Variants in MDGA1 observed in about 807,000 individuals in gnomAD.
The protein encoded by MDGA1 is MAM domain containing glycosylphosphatidylinositol anchor 1.
MDGA1 carries 54 observed loss-of-function variants against 101.5 expected under a neutral mutation model. That is an observed-to-expected ratio of 0.53 (90% confidence interval 0.43 to 0.67). The LOEUF is 0.67. Among genes scored for constraint, MDGA1 ranks in the 30% least tolerant of loss-of-function variants. The pLI, the probability that MDGA1 is intolerant of heterozygous loss-of-function variation, is 0.00. For synonymous variants in MDGA1, 533 were observed against 558.3 expected (o/e 0.95, Z 0.64); for missense variants, 1,083 against 1,323.8 (o/e 0.82, Z 2.82).
In MDGA1 at chr6:37,638,072, G is replaced by T. The variant is rs1459507017; in HGVS notation, c.2776+133C>A. The T allele has an allele frequency of 1.4e-6, 1 of 733,888 alleles. No homozygotes were observed. 45.5% of individuals were successfully genotyped at this position (733,888 alleles called of 1,614,324 possible). A position where few individuals can be genotyped will look rare whatever the true frequency, so the allele number is the denominator to read the frequency against. On this transcript the variant is annotated intron_variant, in intron 16 of 16. Coordinates refer to ENST00000434837, the MANE Select transcript of MDGA1 (RefSeq NM_153487.4). The surrounding 1 kb of genome is among the most constrained non-coding windows in gnomAD (Gnocchi z 4.8). ...TGGGGCACACCTTCACACAGTCAGA[G>T]CCACATGATTCCCATCACTCAGACA...
chr6:37,651,949 C>T, intron 7 of MDGA1, 62 bp downstream of exon 7: 1 of 1,380,140 alleles, frequency 7.2e-7, no homozygotes, highest in East Asian at 2.5e-5. Flanking sequence ...CTCCCCACTA[C>T]CTCCTGTCTG....
chr6:37,650,322 G>T lies in MDGA1; in HGVS notation c.1396C>A (p.Arg466=), dbSNP rs777345498. ...AGCACTGGCGGCCGCGGCTTGCCCC[G>T]CACCTCGCATTGCAGCTCGGCAGGC... ...GSPAELQCEV[R]GKPRPPVLWS... The change falls in exon 8 of 17, where the codon CGG becomes AGG. Residue 466 remains arginine, a synonymous_variant. Transcript: ENST00000434837. 1 of 1,587,500 alleles carries T rather than the reference G, an allele frequency of 6.3e-7. No homozygotes were observed.
Position 37,650,362 on chromosome 6 carries a change from G to T in MDGA1, c.1356C>A (p.Thr452=). 1 of 1,573,076 alleles carries T rather than the reference G, an allele frequency of 6.4e-7. No homozygotes were observed. Residue 452 remains threonine (T), a synonymous_variant, in exon 8 of 17, where the codon ACC becomes ACA. Transcript: ENST00000434837. ...GCTCGGCAGGCGATCCCTCGCGCAC[G>T]GTCACCACGGCCCTACCCTTGGGCA... ...ISVPKGRAVV[T]VREGSPAELQ...
At chr6:37,642,599 G>A (rs1271901290) in intron 14 of MDGA1, among the ~76,000 whole-genome samples, 1 of 152,036 alleles carries the variant, frequency 6.6e-6, no homozygotes, top group Non-Finnish European at 1.5e-5. Context: ...TGTACCTTTT[G>A]GCCTTTGTGA....
intron 1 of MDGA1, among the ~76,000 whole-genome samples, chr6:37,665,776 A>C (rs9470656): frequency 0.071 from 10,829 of 152,282 alleles, 681 homozygotes; most frequent in African/African-American, 0.17. Context: ...ACACATAGGC[A>C]AGATTTGTGG....
intron 2 of MDGA1, among the ~76,000 whole-genome samples, chr6:37,658,967 T>TC (rs1236280510): frequency 1.6e-4 from 3 of 19,150 alleles, no homozygotes; most frequent in African/African-American, 6.9e-4. Context: ...CAAGACTGTT[T>TC]CAAAAAAAAA....
At position 37,659,853 on chromosome 6, in the gene MDGA1, C is replaced by T. The variant is rs543972953; in HGVS notation, c.208-1434G>A. On this transcript the variant is annotated intron_variant, in intron 2 of 16. Transcript: ENST00000434837. The stretch of plus-strand genomic sequence containing the variant: ...GCAAGACATACCAGATCAGAGAGTT[C>T]TTTGGAGAGATAACAGGGACATGAA... Among the ~76,000 whole-genome samples the T allele has an allele frequency of 1.1e-3, 165 of 152,144 alleles. 2 individuals are homozygous for T. In the Middle Eastern group the frequency reaches 0.02, roughly 19 times the overall value.
rs1738453 is a variant in MDGA1, at chr6:37,632,844, C to A, written c.*4524G>T. 27,917 of 152,658 alleles carry A rather than the reference C, an allele frequency of 0.18. 3,070 individuals carry two copies. Among genetic ancestry groups the A allele is most frequent in the African/African-American group, 0.29 (12,043 of 41,402 alleles). The allele number at this position is 152,658 out of a possible 1,614,324, so 9.5% of individuals were successfully genotyped here. A position where few individuals can be genotyped will look rare whatever the true frequency, so the allele number is the denominator to read the frequency against. On this transcript the variant is annotated 3_prime_UTR_variant, in exon 17 of 17. Coordinates refer to ENST00000434837, the MANE Select transcript of MDGA1 (RefSeq NM_153487.4). ...CTGGTGCAGCCCCTTCCCTCCCTGA[C>A]CCTTCTCCTGGGCTGGGGATAAAGG...
rs1763929553 is a variant in MDGA1 at position 37,636,374 on chromosome 6, C to T, written c.*994G>A. The T allele has an allele frequency of 6.6e-6, 1 of 152,260 alleles. No homozygotes were observed. The highest frequency in any genetic ancestry group is 2.1e-4 in the South Asian group (1 of 4,836). The allele number at this position is 152,260 out of a possible 1,614,324, so 9.4% of individuals were successfully genotyped here. ...GTACACACCCTCCTATCCAGGGCAC[C>T]CTTTCATGCCAAGTAGATAAGAAAT... On this transcript the variant is annotated 3_prime_UTR_variant, in exon 17 of 17. Transcript: ENST00000434837.
intron 1 of MDGA1, among the ~76,000 whole-genome samples, chr6:37,694,781 T>C (rs533200024): frequency 3.3e-4 from 50 of 152,242 alleles, no homozygotes; most frequent in African/African-American, 1.1e-3. Flanking sequence ...AAAGGAAAAG[T>C]GGCATGTCAC....
Position 37,633,089 on chromosome 6 carries a change from T to G in MDGA1, c.*4279A>C, listed in dbSNP as rs113698747. ...AGATGCCATCCCTCTGGACCTCGCC[T>G]GTACAATGGGGGCACCAGCTTAGAT... On this transcript the variant is annotated 3_prime_UTR_variant, in exon 17 of 17. Coordinates refer to ENST00000434837, the MANE Select transcript of MDGA1 (RefSeq NM_153487.4). 8.0e-3 allele frequency: 1,213 copies of G among 152,250 alleles called. 9 individuals are homozygous for G. Among genetic ancestry groups the G allele is most frequent in the Non-Finnish European group, 0.014 (965 of 68,048 alleles). The allele number at this position is 152,250 out of a possible 1,614,324, so 9.4% of individuals were successfully genotyped here. A position where few individuals can be genotyped will look rare whatever the true frequency, so the allele number is the denominator to read the frequency against.
chr6:37,664,847 ACACACACACACACAC>A (rs1761710307), intron 1 of MDGA1, among the ~76,000 whole-genome samples: 1 of 65,146 alleles, frequency 1.5e-5, no homozygotes, highest in African/African-American at 7.0e-5. Context: ...CCTAAGACAC[ACACACACACACACAC>A]ACACACACAC....
intron 1 of MDGA1, among the ~76,000 whole-genome samples, chr6:37,665,181 G>T (rs574214866): frequency 6.6e-6 from 1 of 152,018 alleles, no homozygotes; most frequent in African/African-American, 2.4e-5. Flanking sequence ...TAGCCCCATC[G>T]TCCTAAAGGC....
chr6:37,684,707 AC>A (rs1305647489), intron 1 of MDGA1, among the ~76,000 whole-genome samples: 2 of 151,936 alleles, frequency 1.3e-5, no homozygotes, highest in Non-Finnish European at 2.9e-5. Context: ...AGCTGAGCTC[AC>A]TCCTTGCCAT....
chr6:37,688,343 C>T (rs915896154), intron 1 of MDGA1, among the ~76,000 whole-genome samples: 1 of 152,178 alleles, frequency 6.6e-6, no homozygotes, highest in Non-Finnish European at 1.5e-5. Context: ...TTCTGACATG[C>T]GCCAGGGCTG....
At position 37,696,882 on chromosome 6, in the gene MDGA1, G is replaced by A. The variant is rs975368367; in HGVS notation, c.-71C>T. The A allele has an allele frequency of 2.5e-6, 3 of 1,218,380 alleles. No individual in the cohort carries two copies. The highest frequency in any genetic ancestry group is 4.0e-5 in the Admixed American group (2 of 50,416). 75.5% of individuals were successfully genotyped at this position (1,218,380 alleles called of 1,614,324 possible). On this transcript the variant is annotated 5_prime_UTR_variant, in exon 1 of 17. Coordinates refer to ENST00000434837, the MANE Select transcript of MDGA1 (RefSeq NM_153487.4). This position sits in a 1 kb window ranked among gnomAD's most constrained non-coding sequence, Gnocchi z 5.6. ...GGCGGCGGGGGGCGCATTCGCCGGG[G>A]CCCCGCGACGCCCCTATGTCCCCCC... is the stretch of plus-strand genomic sequence containing the variant.
intron 3 of MDGA1, among the ~76,000 whole-genome samples, chr6:37,656,389 T>C (rs190814015): frequency 0.022 from 3,369 of 151,668 alleles, 130 homozygotes; most frequent in African/African-American, 0.074. Flanking sequence ...TTTTTTTTTT[T>C]TGAGACAGAG....
chr6:37,668,332 T>G (rs1761800240), intron 1 of MDGA1, among the ~76,000 whole-genome samples: 1 of 152,054 alleles, frequency 6.6e-6, no homozygotes. Flanking sequence ...AGAATCACTT[T>G]GAAGAAATTC....
In MDGA1 at chr6:37,638,320, TG is replaced by T; in HGVS notation, c.2668-8del. 6.3e-7 allele frequency: 1 copy of T among 1,598,244 alleles called. No individual in the cohort carries two copies. The highest frequency in any genetic ancestry group is 1.1e-5 in the South Asian group (1 of 88,798). On this transcript the variant is annotated splice_polypyrimidine_tract_variant and splice_region_variant and intron_variant, in intron 15 of 16. Transcript: ENST00000434837. This position sits in a 1 kb window ranked among gnomAD's most constrained non-coding sequence, Gnocchi z 4.8. ...GAACCCCCTCAAAAATAATCTGGGG[TG>T]GGGTCAGAAAGCAAGGAGCAAGGGT...
Sources: allele counts gnomAD v4.1 joint callset (sites outside exome capture counted in the v4.1 genomes callset), GRCh38; gene constraint gnomAD v4.1.1; non-coding constraint Gnocchi (gnomAD v3.1); transcripts MANE v1.5; gene names NCBI Gene and HGNC (gene_info 2026-07-23, HGNC 2026-07-21).